Variants in SBF1 observed in about 807,000 individuals in gnomAD.
The protein encoded by SBF1 is myotubularin-related protein 5.
A neutral mutation model predicts 215.8 loss-of-function variants in SBF1; 65 were observed. The ratio of observed to expected loss-of-function variants is 0.30; its 90% CI spans 0.25 to 0.37. SBF1 has a LOEUF of 0.37. SBF1 is among the 10% of genes least tolerant of loss of function. The pLI is 1.00. For synonymous variants in SBF1, 1,410 were observed against 1,122.8 expected (o/e 1.26, Z -5.11); for missense variants, 2,634 against 2,667.8 (o/e 0.99, Z 0.28).
intron 13 of SBF1, 29 bp downstream of exon 13, chr22:50,464,790 G>A (rs770125879): frequency 5.0e-6 from 8 of 1,612,504 alleles, no homozygotes; most frequent in Admixed American, 3.3e-5. Flanking sequence ...AAGGCGGTAC[G>A]ACGCCCTCCC....
intron 32 of SBF1, 28 bp from the exon 33 acceptor site, chr22:50,455,437 G>C (rs760565237): frequency 1.2e-6 from 2 of 1,612,232 alleles, no homozygotes; most frequent in Admixed American, 3.3e-5. Context: ...AGGTCAGCGA[G>C]GAGCCCGGGA....
Position 50,446,884 on chromosome 22 carries a change from C to A in SBF1, c.*258G>T. 1 of 743,570 alleles carries A rather than the reference C, an allele frequency of 1.3e-6. No individual in the cohort carries two copies. The highest frequency in any genetic ancestry group is 1.8e-5 in the Admixed American group (1 of 56,814). The allele number at this position is 743,570 out of a possible 1,614,324, so 46.1% of individuals were successfully genotyped here. ...CGCTGGCTGGACCAGCACACGCTGA[C>A]GGGGCCGGACTATTTACAGGCCCAT... On this transcript the variant is annotated 3_prime_UTR_variant, in exon 41 of 41. Transcript: ENST00000380817.
In SBF1 at chr22:50,462,058, A is replaced by G; in HGVS notation, c.2458T>C (p.Cys820Arg). The G allele has an allele frequency of 6.2e-7, 1 of 1,614,136 alleles. No homozygotes were observed. Among genetic ancestry groups the G allele is most frequent in the Non-Finnish European group, 8.5e-7 (1 of 1,180,030 alleles). The change falls in exon 20 of 41, where the codon TGC becomes CGC. Residue 820 changes from cysteine to arginine, a missense_variant. By Grantham distance (180) the Cys-to-Arg change is radical (BLOSUM62 -3). Transcript: ENST00000380817. ...CGGACCACAGCCCCAGCTACGTCGC[A>G]GGTCTCTGCATCCTCGAAGCCGCTC... ...TESGFEDAETCDVAGAVVRFI... is the reference protein window; with the variant it reads ...TESGFEDAETRDVAGAVVRFI...
intron 1 of SBF1, among the ~76,000 whole-genome samples, chr22:50,469,062 T>C (rs755699761): frequency 6.6e-6 from 1 of 152,210 alleles, no homozygotes; most frequent in Non-Finnish European, 1.5e-5. Context: ...GGCAGCTCCC[T>C]GTTAGAACAC....
At position 50,462,515 on chromosome 22, in the gene SBF1, C is replaced by T. The variant is rs114122989; in HGVS notation, c.2128-42G>A. The T allele has an allele frequency of 3.9e-4, 622 of 1,611,118 alleles. 3 individuals carry two copies. The African/African-American group carries it at 7.0e-3, about 18-fold the overall frequency. ...CGCATGAGCCGGGGCCACGCTGCCC[C>T]AGCCCCTAGCCCCCAGCCCCCAGCC... On this transcript the variant is annotated intron_variant, in intron 18 of 40. Coordinates refer to ENST00000380817, the MANE Select transcript of SBF1 (RefSeq NM_002972.4).
At chr22:50,465,890 G>T in intron 9 of SBF1, 50 bp from the exon 10 acceptor site, 1 of 1,610,670 alleles carries the variant, frequency 6.2e-7, no homozygotes, top group South Asian at 1.1e-5. Flanking sequence ...CCGGCTCTAG[G>T]CTCCCCGTGC....
In SBF1 at chr22:50,462,439, C is replaced by T. The variant is rs770257889; in HGVS notation, c.2162G>A (p.Arg721His). Reference protein sequence around the residue: ...VGEAPSQEDERSALDVASEQR... With the variant: ...VGEAPSQEDEHSALDVASEQR... ...CTCAGAAGCCACGTCTAGGGCAGAG[C>T]GCTCGTCCTCCTGGGAAGGTGCCTC... Residue 721 changes from arginine (R) to histidine (H), a missense_variant, in exon 19 of 41, where the codon CGC becomes CAC. Arg to His is a conservative substitution (Grantham distance 29). Coordinates refer to ENST00000380817, the MANE Select transcript of SBF1 (RefSeq NM_002972.4). 4.3e-6 allele frequency: 7 copies of T among 1,613,956 alleles called. No individual in the cohort carries two copies. The highest frequency in any genetic ancestry group is 2.7e-5 in the African/African-American group (2 of 75,056).
intron 36 of SBF1, among the ~76,000 whole-genome samples, chr22:50,450,564 G>A (rs1423781030): frequency 6.6e-6 from 1 of 151,732 alleles, no homozygotes; most frequent in Non-Finnish European, 1.5e-5. Context: ...AAATTCTAGA[G>A]GAATGCTAAA....
At chr22:50,454,240 T>A (rs951100751) in intron 36 of SBF1, among the ~76,000 whole-genome samples, 1 of 152,006 alleles carries the variant, frequency 6.6e-6, no homozygotes, top group African/African-American at 2.4e-5. Context: ...GTGCTCAGAG[T>A]GGAGGCTGTG....
At chr22:50,450,052 C>CTA (rs2066988302) in intron 36 of SBF1, among the ~76,000 whole-genome samples, 3 of 152,232 alleles carry the variant, frequency 2.0e-5, no homozygotes, top group African/African-American at 7.2e-5. Context: ...AGAGACGGGA[C>CTA]GTCCAGGGGC....
intron 15 of SBF1, 93 bp from the exon 16 acceptor site, chr22:50,463,525 A>G: frequency 7.3e-7 from 1 of 1,367,730 alleles, no homozygotes; most frequent in Non-Finnish European, 9.7e-7. Context: ...AGGAGACCCA[A>G]ATGCCTTTCA....
intron 28 of SBF1, among the ~76,000 whole-genome samples, chr22:50,459,050 C>T (rs1257622656): frequency 1.3e-5 from 2 of 152,046 alleles, no homozygotes; most frequent in Non-Finnish European, 2.9e-5. Flanking sequence ...GGTCAGGGCA[C>T]ACACCTGGTC....
Position 50,454,533 on chromosome 22 carries a change from G to A in SBF1, c.5022C>T (p.Asp1674=), listed in dbSNP as rs570393243. The A allele has an allele frequency of 7.1e-5, 115 of 1,610,268 alleles. 1 individual carries two copies. In the African/African-American group the frequency reaches 9.6e-4, roughly 13 times the overall value. The change falls in exon 36 of 41, where the codon GAC becomes GAT. Residue 1674 remains aspartate, a synonymous_variant. Transcript: ENST00000380817. Reference sequence around the variant, plus strand: ...GCACCTCCAGCAGGCGTGAGATGGCGTCAGGCTGGGCCCGCGGGCAGCTGT... The same window carrying A: ...GCACCTCCAGCAGGCGTGAGATGGCATCAGGCTGGGCCCGCGGGCAGCTGT... The part of the protein sequence containing the change: ...CYDSCPRAQP[D]AISRLLEELQ...
intron 10 of SBF1, 73 bp downstream of exon 10, chr22:50,465,690 C>T: frequency 7.2e-7 from 1 of 1,382,210 alleles, no homozygotes; most frequent in Non-Finnish European, 9.8e-7. Context: ...CCCTGTGTGT[C>T]AGTGGCAGCA....
chr22:50,473,908 C>T (rs1274918618), intron 1 of SBF1, among the ~76,000 whole-genome samples: 1 of 152,228 alleles, frequency 6.6e-6, no homozygotes, highest in East Asian at 1.9e-4. Flanking sequence ...GGGGCAACAC[C>T]AGGGCAACCC....
intron 36 of SBF1, among the ~76,000 whole-genome samples, chr22:50,450,628 G>C (rs1007825259): frequency 1.1e-4 from 16 of 152,054 alleles, no homozygotes; most frequent in Non-Finnish European, 2.1e-4. Flanking sequence ...AAGACACAAA[G>C]ACACAAAACT....
intron 1 of SBF1, among the ~76,000 whole-genome samples, chr22:50,471,620 A>G (rs2067999155): frequency 6.6e-6 from 1 of 151,904 alleles, no homozygotes; most frequent in African/African-American, 2.4e-5. Flanking sequence ...CAACGTGCAC[A>G]TGGCTCCCTC....
intron 22 of SBF1, 91 bp downstream of exon 22, chr22:50,461,432 C>A: frequency 2.7e-6 from 4 of 1,498,560 alleles, no homozygotes; most frequent in Non-Finnish European, 3.6e-6. Flanking sequence ...CCAGAACCCC[C>A]GAGAAAAGGG....
At position 50,466,235 on chromosome 22, in the gene SBF1, G is replaced by A. The variant is rs756050360; in HGVS notation, c.812C>T (p.Pro271Leu). 2.5e-6 allele frequency: 4 copies of A among 1,613,376 alleles called. No homozygotes were observed. Among genetic ancestry groups the A allele is most frequent in the Non-Finnish European group, 2.5e-6 (3 of 1,180,044 alleles). ...RYSFTYVPIL[P>L]AQLLEVLSTP... ...GCTGAGGACCTCCAGCAGCTGAGCC[G>A]GCAGGATGGGCACATAGGTGAAGCT... Residue 271 changes from proline (P) to leucine (L), a missense_variant, in exon 8 of 41, where the codon CCG (proline) becomes CTG (leucine). By Grantham distance (98) the Pro-to-Leu change is moderately conservative. Coordinates refer to ENST00000380817, the MANE Select transcript of SBF1 (RefSeq NM_002972.4).
Sources: gnomAD v4.1 joint callset for allele counts (sites outside exome capture counted in the v4.1 genomes callset) on GRCh38, gnomAD v4.1.1 for gene constraint, MANE v1.5 for transcripts, NCBI Gene and HGNC (gene_info 2026-07-23, HGNC 2026-07-21) for gene names.